The following PRKCZ variants were observed in gnomAD, a reference collection of about 807,000 sequenced individuals.
PRKCZ encodes the protein protein kinase C zeta type.
In PRKCZ, 33 loss-of-function variants were observed where a neutral mutation model predicts 79.5. The ratio of observed to expected loss-of-function variants is 0.41; its 90% CI spans 0.31 to 0.55. The LOEUF is 0.55. Among genes scored for constraint, PRKCZ ranks in the 20% least tolerant of loss-of-function variants. The pLI is 0.19. For missense variants in PRKCZ, 578 were observed against 813.5 expected, an observed-to-expected ratio of 0.71 and a Z score of 3.52; for synonymous variants, 342 against 320.9, an observed-to-expected ratio of 1.07 and a Z score of -0.70.
chr1:2,169,238 G>A (rs1359675486), intron 10 of PRKCZ: 2 of 504,008 alleles, frequency 4.0e-6, no homozygotes. Context: ...CTTCATTCCG[G>A]GGCCCACCCA....
At chr1:2,141,827 C>A in intron 5 of PRKCZ, 1 of 221,740 alleles carries the variant, frequency 4.5e-6, no homozygotes. Context: ...TGTTCTTCTG[C>A]GCTGTGGACG....
intron 4 of PRKCZ, among the ~76,000 whole-genome samples, chr1:2,099,666 G>A (rs537825165): frequency 6.6e-6 from 1 of 152,306 alleles, no homozygotes; most frequent in East Asian, 1.9e-4. Flanking sequence ...CATTGACAGA[G>A]GGGAGCTCAC....
At chr1:2,071,389 C>T (rs907983659) in intron 4 of PRKCZ, 10 of 434,264 alleles carry the variant, frequency 2.3e-5, no homozygotes, top group African/African-American at 4.1e-5. Flanking sequence ...AGTGGGGCTG[C>T]GCGACCGCCT....
At chr1:2,170,238 C>G (rs1684153273) in intron 11 of PRKCZ, among the ~76,000 whole-genome samples, 1 of 152,166 alleles carries the variant, frequency 6.6e-6, no homozygotes, top group South Asian at 2.1e-4. Context: ...TCGGGCCTCC[C>G]CTGGCAGCCG....
intron 10 of PRKCZ, among the ~76,000 whole-genome samples, chr1:2,166,928 C>T (rs1256328306): frequency 1.3e-5 from 2 of 152,248 alleles, no homozygotes; most frequent in Non-Finnish European, 2.9e-5. Context: ...CAGGTGCACA[C>T]CACCAGCGTG....
intron 4 of PRKCZ, among the ~76,000 whole-genome samples, chr1:2,103,078 C>G (rs180954640): frequency 6.6e-6 from 1 of 152,120 alleles, no homozygotes; most frequent in Non-Finnish European, 1.5e-5. Context: ...ATTTGTTACC[C>G]AGGCTGGTCT....
At chr1:2,085,900 C>T (rs1664437909) in intron 4 of PRKCZ, among the ~76,000 whole-genome samples, 1 of 152,178 alleles carries the variant, frequency 6.6e-6, no homozygotes, top group Admixed American at 6.5e-5. Flanking sequence ...TGTGTTGATG[C>T]AGAGAGGCAC....
At chr1:2,117,436 C>G (rs1336905266) in intron 4 of PRKCZ, among the ~76,000 whole-genome samples, 1 of 151,724 alleles carries the variant, frequency 6.6e-6, no homozygotes, top group Non-Finnish European at 1.5e-5. Flanking sequence ...TTGTCTTGGC[C>G]TCTCCTGGTC....
intron 2 of PRKCZ, chr1:2,055,865 T>G (rs1328745397): frequency 6.5e-6 from 2 of 307,824 alleles, no homozygotes; most frequent in Non-Finnish European, 1.2e-5. Context: ...TCTCATGTCC[T>G]GGCCTTTTTC....
chr1:2,100,282 A>C (rs918411894), intron 4 of PRKCZ, among the ~76,000 whole-genome samples: 14 of 152,330 alleles, frequency 9.2e-5, no homozygotes, highest in Non-Finnish European at 1.3e-4. Flanking sequence ...CAGGGTGACC[A>C]TCTGTGGTAA....
chr1:2,084,925 C>A (rs544766116), intron 4 of PRKCZ, among the ~76,000 whole-genome samples: 1 of 152,190 alleles, frequency 6.6e-6, no homozygotes, highest in South Asian at 2.1e-4. Context: ...GGGAGGATCG[C>A]CTGAGCCCAG....
chr1:2,175,869 C>T lies in PRKCZ; in HGVS notation c.1575+556C>T, dbSNP rs574714928. On this transcript the variant is annotated intron_variant, in intron 16 of 17. Coordinates refer to ENST00000378567, the MANE Select transcript of PRKCZ (RefSeq NM_002744.6). ...CTGGCTTGGTGCCGCCAGGAGCTAG[C>T]GGCACATGCGTCCTGACCTGTGAGC... is the stretch of plus-strand genomic sequence containing the variant. 2.3e-4 allele frequency among the ~76,000 whole-genome samples: 35 copies of T among 152,250 alleles called. No homozygotes were observed. In the South Asian group the frequency reaches 5.0e-3, roughly 22 times the overall value.
rs1683168048 is a variant in PRKCZ, at chr1:2,165,653, G to C, written c.975-3865G>C. On this transcript the variant is annotated intron_variant, in intron 10 of 17. Transcript: ENST00000378567. This position sits in a 1 kb window ranked among gnomAD's most constrained non-coding sequence, Gnocchi z 4.1. ...TAAAACAGAAGCAGCCTTAGACACT[G>C]CGTGAAGGGACGCGTGTGGCCGTGT... Among the ~76,000 whole-genome samples, 1 of 152,242 alleles carries C rather than the reference G, an allele frequency of 6.6e-6. No homozygotes were observed. Among genetic ancestry groups the C allele is most frequent in the South Asian group, 2.1e-4 (1 of 4,836 alleles).
rs550037218 is a variant in PRKCZ at position 2,177,233 on chromosome 1, C to G, written c.1575+1920C>G. 6.6e-6 allele frequency among the ~76,000 whole-genome samples: 1 copy of G among 152,312 alleles called. No homozygotes were observed. The highest frequency in any genetic ancestry group is 2.1e-4 in the South Asian group (1 of 4,830). On this transcript the variant is annotated intron_variant, in intron 16 of 17. Transcript: ENST00000378567. This position sits in a 1 kb window ranked among gnomAD's most constrained non-coding sequence, Gnocchi z 6.4. Reference sequence around the variant, plus strand: ...CCACAGAACCCCTCCGGTCCACACACACACTCAGGTCCAGGTACCACCCGG... The same window carrying G: ...CCACAGAACCCCTCCGGTCCACACAGACACTCAGGTCCAGGTACCACCCGG...
At position 2,094,193 on chromosome 1, in the gene PRKCZ, C is replaced by T. The variant is rs1307519924; in HGVS notation, c.334+34602C>T. Among the ~76,000 whole-genome samples the T allele has an allele frequency of 2.0e-5, 3 of 152,272 alleles. No homozygotes were observed. Among genetic ancestry groups the T allele is most frequent in the African/African-American group, 7.2e-5 (3 of 41,534 alleles). ...GTCCCGGGAGCAGCCCCCCCACTTC[C>T]ACCTGTCTTGGACGGGAGCTGGAAG... On this transcript the variant is annotated intron_variant, in intron 4 of 17. Coordinates refer to ENST00000378567, the MANE Select transcript of PRKCZ (RefSeq NM_002744.6). The surrounding 1 kb of genome is among the most constrained non-coding windows in gnomAD (Gnocchi z 7.3).
chr1:2,121,554 A>AAC (rs1671935568), intron 4 of PRKCZ, among the ~76,000 whole-genome samples: 1 of 27,488 alleles, frequency 3.6e-5, no homozygotes, highest in African/African-American at 1.0e-4. Context: ...ATCAGTAGTT[A>AAC]GGGCTATGGC....
chr1:2,119,423 C>T (rs190387238), intron 4 of PRKCZ, among the ~76,000 whole-genome samples: 12 of 152,186 alleles, frequency 7.9e-5, no homozygotes, highest in Non-Finnish European at 1.5e-4. Context: ...CCATATTGAC[C>T]AGGCTGGTAT....
chr1:2,107,347 C>T (rs955992697), intron 4 of PRKCZ, among the ~76,000 whole-genome samples: 2 of 152,216 alleles, frequency 1.3e-5, no homozygotes, highest in African/African-American at 4.8e-5. Flanking sequence ...CTGCTTTTTT[C>T]CCGCACGTCA....
At chr1:2,134,193 G>A (rs1246493576) in intron 4 of PRKCZ, among the ~76,000 whole-genome samples, 1 of 152,224 alleles carries the variant, frequency 6.6e-6, no homozygotes, top group Non-Finnish European at 1.5e-5. Context: ...GCTCCTGGAG[G>A]ACCCCTGACT....
Sources: gnomAD v4.1 joint callset for allele counts (sites outside exome capture counted in the v4.1 genomes callset) on GRCh38, gnomAD v4.1.1 for gene constraint, Gnocchi (gnomAD v3.1) non-coding constraint, MANE v1.5 for transcripts, NCBI Gene and HGNC (gene_info 2026-07-23, HGNC 2026-07-21) for gene names.